Variants in TRPC5 observed in about 807,000 individuals in gnomAD.
TRPC5 encodes the protein short transient receptor potential channel 5.
In TRPC5, 9 loss-of-function variants were observed where a neutral mutation model predicts 56.5. That is an observed-to-expected ratio of 0.16 (90% CI 0.10 to 0.28). TRPC5 has a LOEUF of 0.28. TRPC5 is among the 10% of genes least tolerant of loss of function. The pLI, the probability that TRPC5 is intolerant of heterozygous loss-of-function variation, is 1.00. For missense variants in TRPC5, 469 were observed against 748.9 expected (o/e 0.63, Z 4.36); for synonymous variants, 282 against 278.5 (o/e 1.01, Z -0.13).
At chrX:111,778,109 G>A (rs1255975712) in intron 10 of TRPC5, among the ~76,000 whole-genome samples, 1 of 110,264 alleles carries the variant, frequency 9.1e-6, no homozygotes, top group Admixed American at 9.8e-5. Flanking sequence ...TGTGTTCATG[G>A]ACACTGGGAG....
At chrX:111,929,318 C>T (rs1603103115) in intron 2 of TRPC5, among the ~76,000 whole-genome samples, 1 of 112,398 alleles carries the variant, frequency 8.9e-6, no homozygotes, top group African/African-American at 3.2e-5. Flanking sequence ...GGGCAACTGA[C>T]TCTTCCACAG....
At chrX:111,802,420 T>C (rs2148560605) in intron 7 of TRPC5, among the ~76,000 whole-genome samples, 1 of 111,616 alleles carries the variant, frequency 9.0e-6, no homozygotes, top group Admixed American at 9.6e-5. Flanking sequence ...TATTTTTATA[T>C]ATTTAAAAGT....
At chrX:111,782,535 A>G (rs1351509122) in intron 7 of TRPC5, among the ~76,000 whole-genome samples, 1 of 111,313 alleles carries the variant, frequency 9.0e-6, no homozygotes, top group Non-Finnish European at 1.9e-5. Context: ...AAGTGAATAA[A>G]GCAATATAGA....
chrX:111,922,183 C>T (rs1490909464), intron 2 of TRPC5, among the ~76,000 whole-genome samples: 5 of 111,874 alleles, frequency 4.5e-5, no homozygotes, highest in Admixed American at 9.5e-5. Flanking sequence ...TGAACCCTAT[C>T]GTTACCCTTG....
chrX:111,936,593 T>A (rs1370014951), intron 2 of TRPC5, among the ~76,000 whole-genome samples: 3 of 104,101 alleles, frequency 2.9e-5, no homozygotes, highest in African/African-American at 1.1e-4. Flanking sequence ...GAATATGCGG[T>A]GTTTGGTTTT....
intron 2 of TRPC5, among the ~76,000 whole-genome samples, chrX:111,943,708 T>C (rs1926844866): frequency 8.9e-6 from 1 of 112,359 alleles, no homozygotes; most frequent in South Asian, 3.7e-4. Context: ...TCTACCTCCC[T>C]GTTGCTCAAA....
chrX:112,032,151 G>A (rs1929603433), intron 1 of TRPC5, among the ~76,000 whole-genome samples: 2 of 110,517 alleles, frequency 1.8e-5, no homozygotes, highest in African/African-American at 6.6e-5. Flanking sequence ...AAAATGCCCA[G>A]CATCACTAAT....
chrX:111,922,205 C>T (rs1311449675), intron 2 of TRPC5, among the ~76,000 whole-genome samples: 4 of 111,706 alleles, frequency 3.6e-5, no homozygotes, highest in Non-Finnish European at 7.5e-5. Context: ...TGGAGTTTAT[C>T]ACAGGCTTCT....
chrX:111,995,892 C>T (rs770524763), intron 1 of TRPC5, among the ~76,000 whole-genome samples: 24 of 109,507 alleles, frequency 2.2e-4, no homozygotes, highest in East Asian at 8.5e-4. Flanking sequence ...GTCTTGCTAG[C>T]GGTCTATCAA....
intron 1 of TRPC5, among the ~76,000 whole-genome samples, chrX:112,052,641 TTC>T (rs748991645): frequency 8.9e-6 from 1 of 111,984 alleles, no homozygotes; most frequent in East Asian, 2.8e-4. Flanking sequence ...GTAGTATAAT[TTC>T]TCTGTTTTTA....
rs1037288324 is a variant in TRPC5, at chrX:111,774,173, G to C, written c.*2140C>G. 12 of 112,223 alleles carry C rather than the reference G, an allele frequency of 1.1e-4. No individual in the cohort carries two copies. The highest frequency in any genetic ancestry group is 2.3e-4 in the Non-Finnish European group (12 of 53,192). The allele number at this position is 112,223 out of a possible 1,213,427, so 9.2% of individuals were successfully genotyped here. ...AGTGACAGAAGACTTTTGGAATACA[G>C]TTCCATGTCTGGCTAGCCTGTTTTC... On this transcript the variant is annotated 3_prime_UTR_variant, in exon 11 of 11. Coordinates refer to ENST00000262839, the MANE Select transcript of TRPC5 (RefSeq NM_012471.3).
At chrX:111,968,795 A>C (rs1391691934) in intron 1 of TRPC5, among the ~76,000 whole-genome samples, 1 of 82,750 alleles carries the variant, frequency 1.2e-5, no homozygotes, top group Non-Finnish European at 2.2e-5. Flanking sequence ...TGGACACAGG[A>C]AGGGAAACAT....
At chrX:111,818,533 A>C (rs1336930366) in intron 7 of TRPC5, among the ~76,000 whole-genome samples, 2 of 110,818 alleles carry the variant, frequency 1.8e-5, no homozygotes, top group African/African-American at 6.6e-5. Context: ...AATTAATTGA[A>C]GACCCAAAGG....
intron 3 of TRPC5, among the ~76,000 whole-genome samples, chrX:111,856,091 G>T (rs999532979): frequency 2.7e-5 from 3 of 111,468 alleles, no homozygotes; most frequent in African/African-American, 9.8e-5. Flanking sequence ...CATGGCTAAG[G>T]CATAGAGGTG....
chrX:111,852,983 C>T (rs1368267816), intron 4 of TRPC5, among the ~76,000 whole-genome samples: 1 of 110,476 alleles, frequency 9.1e-6, no homozygotes, highest in Non-Finnish European at 1.9e-5. Flanking sequence ...TAAAATTTTA[C>T]CTGATGACAT....
At chrX:111,861,917 C>A (rs1483137370) in intron 3 of TRPC5, among the ~76,000 whole-genome samples, 1 of 110,955 alleles carries the variant, frequency 9.0e-6, no homozygotes, top group Non-Finnish European at 1.9e-5. Flanking sequence ...TTATTTAGTA[C>A]GCCAGATTTT....
intron 7 of TRPC5, among the ~76,000 whole-genome samples, chrX:111,804,864 T>C (rs772872724): frequency 4.1e-4 from 46 of 112,056 alleles, no homozygotes; most frequent in East Asian, 2.0e-3. Context: ...CTGATTTCCC[T>C]GGCCAGAACT....
intron 3 of TRPC5, chrX:111,896,052 T>G (rs1378846755): frequency 9.0e-6 from 1 of 111,335 alleles, no homozygotes; most frequent in Non-Finnish European, 1.9e-5. Context: ...GATTTTCCTG[T>G]GCTTTTCCTA....
At chrX:111,913,159 CTCTAGAGCCAAGCTCTAGAGTCAAA>C (rs1925867482) in intron 2 of TRPC5, among the ~76,000 whole-genome samples, 1 of 111,507 alleles carries the variant, frequency 9.0e-6, no homozygotes, top group Non-Finnish European at 1.9e-5. Flanking sequence ...CCAAGCAAGA[CTCTAGAGCCAAGCTCTAGAGTCAAA>C]TTGTCAATTA....
Sources: gnomAD v4.1 joint callset for allele counts (sites outside exome capture counted in the v4.1 genomes callset) on GRCh38, gnomAD v4.1.1 for gene constraint, MANE v1.5 for transcripts, NCBI Gene and HGNC (gene_info 2026-07-23, HGNC 2026-07-21) for gene names.